The following BICRAL variants were observed in gnomAD, a reference collection of about 807,000 sequenced individuals.
The protein encoded by BICRAL is BRD4-interacting chromatin-remodeling complex-associated protein-like.
Under a neutral mutation model 91.8 loss-of-function variants are expected in BICRAL, and 8 were observed. The observed-to-expected ratio is 0.09, with a 90% confidence interval of 0.05 to 0.16. The LOEUF is 0.16. Among genes scored for constraint, BICRAL ranks in the 10% least tolerant of loss-of-function variants. The pLI, the probability that BICRAL is intolerant of heterozygous loss-of-function variation, is 1.00. For synonymous variants in BICRAL, 445 were observed against 491.1 expected (o/e 0.91, Z 1.24); for missense variants, 1,038 against 1,310.9 (o/e 0.79, Z 3.21).
At chr6:42,802,865 G>A (rs1161549199) in intron 1 of BICRAL, among the ~76,000 whole-genome samples, 1 of 152,122 alleles carries the variant, frequency 6.6e-6, no homozygotes, top group Non-Finnish European at 1.5e-5. Flanking sequence ...ACAGGTGTGA[G>A]CCACCACACC....
At chr6:42,855,960 T>C (rs1319860310) in intron 9 of BICRAL, 43 bp downstream of exon 9, 2 of 1,441,752 alleles carry the variant, frequency 1.4e-6, no homozygotes, top group Admixed American at 3.3e-5. Flanking sequence ...TGAACACTTC[T>C]TTGGGTCCCT....
intron 5 of BICRAL, among the ~76,000 whole-genome samples, chr6:42,823,769 A>G (rs1170972932): frequency 6.6e-6 from 1 of 151,174 alleles, no homozygotes; most frequent in African/African-American, 2.4e-5. Context: ...TAAAAATACA[A>G]AAAAAAATTG....
Position 42,818,695 on chromosome 6 carries a change from G to A in BICRAL, c.-5-3323G>A, listed in dbSNP as rs552366480. 2.6e-4 allele frequency among the ~76,000 whole-genome samples: 39 copies of A among 151,492 alleles called. 2 individuals carry two copies. In the South Asian group the frequency reaches 7.3e-3, roughly 28 times the overall value. On this transcript the variant is annotated intron_variant, in intron 2 of 12. Transcript: ENST00000314073. Reference sequence around the variant, plus strand: ...CCCATGAGTTATTCTATTACTTTAAGGTTCTTTCTCCATCCACCATTTAAC... The same window carrying A: ...CCCATGAGTTATTCTATTACTTTAAAGTTCTTTCTCCATCCACCATTTAAC...
chr6:42,848,231 G>A (rs1459804019), intron 6 of BICRAL, among the ~76,000 whole-genome samples: 5 of 151,338 alleles, frequency 3.3e-5, no homozygotes, highest in African/African-American at 9.7e-5. Context: ...CAGCCTGGGC[G>A]ACAGAGTGAG....
At chr6:42,809,524 C>T (rs1763799229) in intron 1 of BICRAL, among the ~76,000 whole-genome samples, 1 of 150,066 alleles carries the variant, frequency 6.7e-6, no homozygotes, top group South Asian at 2.1e-4. Context: ...GCAACCTCTG[C>T]CTCCCAGGTT....
At chr6:42,846,729 A>G (rs771133286) in intron 6 of BICRAL, among the ~76,000 whole-genome samples, 6 of 152,166 alleles carry the variant, frequency 3.9e-5, no homozygotes, top group Non-Finnish European at 7.3e-5. Context: ...ATAAAAAGGC[A>G]CCCCTCTGGG....
chr6:42,778,017 C>T (rs1410015430), upstream of BICRAL, among the ~76,000 whole-genome samples: 21 of 152,114 alleles, frequency 1.4e-4, no homozygotes, highest in Non-Finnish European at 2.9e-4. Context: ...AAGCATATCC[C>T]TCATTTAAAT....
intron 6 of BICRAL, among the ~76,000 whole-genome samples, chr6:42,838,611 G>C (rs2113979130): frequency 6.6e-6 from 1 of 152,240 alleles, no homozygotes; most frequent in Non-Finnish European, 1.5e-5. Flanking sequence ...ACAAAATAAT[G>C]ATTTTATAAT....
intron 11 of BICRAL, among the ~76,000 whole-genome samples, chr6:42,861,736 C>G (rs988945574): frequency 6.6e-6 from 1 of 151,948 alleles, no homozygotes; most frequent in Non-Finnish European, 1.5e-5. Context: ...CAGTGGCTCA[C>G]GCCTGTAATC....
At chr6:42,808,384 C>G (rs1763770090) in intron 1 of BICRAL, among the ~76,000 whole-genome samples, 2 of 152,150 alleles carry the variant, frequency 1.3e-5, no homozygotes, top group Admixed American at 1.3e-4. Flanking sequence ...CCTGCCTCAG[C>G]CTCCCAAAGT....
At chr6:42,837,314 C>G (rs1038466054) in intron 6 of BICRAL, among the ~76,000 whole-genome samples, 1 of 151,904 alleles carries the variant, frequency 6.6e-6, no homozygotes, top group Admixed American at 6.6e-5. Flanking sequence ...ATATAATTAC[C>G]GAAGGCTTTT....
intron 7 of BICRAL, 195 bp downstream of exon 7, chr6:42,852,392 T>G (rs1765212106): frequency 1.5e-6 from 1 of 677,254 alleles, no homozygotes; most frequent in Non-Finnish European, 2.7e-6. Flanking sequence ...CCGGGCACGG[T>G]GGCTCACGCC....
At chr6:42,834,125 A>G (rs1423505874) in intron 6 of BICRAL, among the ~76,000 whole-genome samples, 3 of 152,252 alleles carry the variant, frequency 2.0e-5, no homozygotes, top group Non-Finnish European at 4.4e-5. Context: ...GAGTGCTGGT[A>G]TAGGCATGAG....
intron 6 of BICRAL, among the ~76,000 whole-genome samples, chr6:42,849,528 C>T (rs1357812310): frequency 6.6e-6 from 1 of 151,730 alleles, no homozygotes; most frequent in Non-Finnish European, 1.5e-5. Context: ...CAAGTTCCGC[C>T]TCCCAGGTTC....
intron 1 of BICRAL, among the ~76,000 whole-genome samples, chr6:42,798,896 T>G (rs1270800664): frequency 1.3e-5 from 2 of 152,110 alleles, no homozygotes; most frequent in African/African-American, 4.8e-5. Flanking sequence ...GTAAATGCTA[T>G]GTAATAGTTG....
At chr6:42,856,359 T>C (rs1214991203) in intron 9 of BICRAL, among the ~76,000 whole-genome samples, 6 of 146,150 alleles carry the variant, frequency 4.1e-5, no homozygotes, top group Non-Finnish European at 3.0e-5. Flanking sequence ...TTCTATACTT[T>C]CTTTTCCTTT....
chr6:42,824,004 G>A (rs1325038459), intron 5 of BICRAL, among the ~76,000 whole-genome samples: 2 of 152,078 alleles, frequency 1.3e-5, no homozygotes, highest in African/African-American at 2.4e-5. Context: ...TTGGGAGGCC[G>A]AGGCAGGCAG....
chr6:42,807,547 G>C (rs1763742373), intron 1 of BICRAL, among the ~76,000 whole-genome samples: 1 of 151,458 alleles, frequency 6.6e-6, no homozygotes, highest in South Asian at 2.1e-4. Context: ...TTTCAGTATG[G>C]ATTTCTAAAA....
chr6:42,784,419 G>A (rs764077802), intron 1 of BICRAL, among the ~76,000 whole-genome samples: 1 of 152,182 alleles, frequency 6.6e-6, no homozygotes, highest in African/African-American at 2.4e-5. Flanking sequence ...TTCTAGTGTA[G>A]AAAAATAACA....
Sources: gnomAD v4.1 joint callset for allele counts (sites outside exome capture counted in the v4.1 genomes callset) on GRCh38, gnomAD v4.1.1 for gene constraint, MANE v1.5 for transcripts, NCBI Gene and HGNC (gene_info 2026-07-23, HGNC 2026-07-21) for gene names.